The following GXYLT2 variants were observed in gnomAD, a reference collection of about 807,000 sequenced individuals.
GXYLT2 encodes the protein glucoside xylosyltransferase 2.
GXYLT2 carries 53 observed loss-of-function variants against 45.8 expected under a neutral mutation model. The observed-to-expected ratio is 1.16, with a 90% CI of 0.93 to 1.46. The LOEUF (loss-of-function observed/expected upper bound fraction) is 1.46, where lower values mean the gene tolerates loss of function less well. Ranked by LOEUF, GXYLT2 falls within the 40% of genes most tolerant of loss-of-function variation. GXYLT2 has a pLI of 0.00. For synonymous variants in GXYLT2, 219 were observed against 214.2 expected (o/e 1.02, Z -0.19); for missense variants, 551 against 544.4 (o/e 1.01, Z -0.12).
In GXYLT2 at chr3:72,949,502, CTTTTTTTTTTTTTTTTTTTT is replaced by C. The variant is rs56323434; in HGVS notation, c.601-5587_601-5568del. ...TATGTATCATTCTTTCTTTCTTTTTCTTTTTTTTTTTTTTTTTTTTTTTTTTTTGAGATGGAGTCTTGCTC... is the reference window on the plus strand; with the variant it reads ...TATGTATCATTCTTTCTTTCTTTTTCTTTTTTTTGAGATGGAGTCTTGCTC... On this transcript the variant is annotated intron_variant, in intron 3 of 6. Coordinates refer to ENST00000389617, the MANE Select transcript of GXYLT2 (RefSeq NM_001080393.2). Among the ~76,000 whole-genome samples the C allele has an allele frequency of 1.4e-4, 10 of 72,642 alleles. 1 individual carries two copies. The South Asian group carries it at 7.4e-3, about 54-fold the overall frequency. 47.7% of individuals were successfully genotyped at this position (72,642 alleles called of 152,430 possible). A position where few individuals can be genotyped will look rare whatever the true frequency, so the allele number is the denominator to read the frequency against.
At chr3:72,937,961 A>C (rs1710222638) in intron 3 of GXYLT2, among the ~76,000 whole-genome samples, 1 of 152,146 alleles carries the variant, frequency 6.6e-6, no homozygotes, top group Admixed American at 6.5e-5. Context: ...CTCTCAGGGC[A>C]AGGATCTTTA....
intron 6 of GXYLT2, among the ~76,000 whole-genome samples, chr3:72,974,290 C>A (rs1711049556): frequency 6.6e-6 from 1 of 152,098 alleles, no homozygotes; most frequent in Non-Finnish European, 1.5e-5. Context: ...ATCTCAAAAG[C>A]CCAATATTAA....
intron 5 of GXYLT2, among the ~76,000 whole-genome samples, chr3:72,957,776 C>G (rs1260127950): frequency 2.0e-5 from 3 of 152,016 alleles, no homozygotes; most frequent in African/African-American, 4.8e-5. Context: ...GTCAAAACAT[C>G]CTAGAAAAAG....
intron 3 of GXYLT2, among the ~76,000 whole-genome samples, chr3:72,939,255 T>C (rs1322228273): frequency 2.0e-5 from 3 of 152,116 alleles, no homozygotes; most frequent in Non-Finnish European, 4.4e-5. Flanking sequence ...ATGACCAGCC[T>C]GGCCAACATG....
At chr3:72,915,358 G>T (rs1269748655) in intron 2 of GXYLT2, among the ~76,000 whole-genome samples, 3 of 103,992 alleles carry the variant, frequency 2.9e-5, no homozygotes, top group African/African-American at 1.2e-4. Context: ...TTTTTTTGCG[G>T]GGGGGGGGGG....
chr3:72,964,652 T>G (rs62249927), intron 5 of GXYLT2, among the ~76,000 whole-genome samples: 60,442 of 152,104 alleles, frequency 0.4, 14,900 homozygotes, highest in Non-Finnish European at 0.55. Flanking sequence ...AGCCCTAAAC[T>G]ACTTGGAAAG....
intron 3 of GXYLT2, among the ~76,000 whole-genome samples, chr3:72,935,969 G>C (rs574209171): frequency 1.3e-5 from 2 of 152,176 alleles, no homozygotes; most frequent in Non-Finnish European, 2.9e-5. Flanking sequence ...GAAAGGAGAT[G>C]ATAGCTGCAC....
intron 5 of GXYLT2, among the ~76,000 whole-genome samples, chr3:72,959,492 C>T (rs1006212426): frequency 2.4e-4 from 37 of 152,176 alleles, no homozygotes; most frequent in African/African-American, 8.9e-4. Flanking sequence ...AACTCCTGGG[C>T]TCAAGCGATC....
Position 72,967,590 on chromosome 3 carries a change from T to C in GXYLT2, c.1020T>C (p.Asp340=). 1.2e-6 allele frequency: 2 copies of C among 1,613,914 alleles called. No individual in the cohort carries two copies. Among genetic ancestry groups the C allele is most frequent in the South Asian group, 2.2e-5 (2 of 91,068 alleles). Residue 340 remains aspartate (D), a synonymous_variant, in exon 6 of 7, where the codon GAT becomes GAC. Coordinates refer to ENST00000389617, the MANE Select transcript of GXYLT2 (RefSeq NM_001080393.2). ...VFPCQWNYRP[D]HCMYGSNCRE... is the part of the protein sequence containing the mutation. ...CCTGCCAGTGGAACTACCGTCCCGA[T>C]CACTGCATGTACGGAAGCAACTGCA...
chr3:72,908,013 G>A (rs1459120442), intron 1 of GXYLT2: 7 of 181,666 alleles, frequency 3.9e-5, no homozygotes, highest in African/African-American at 7.1e-5. Context: ...CGGCCTGTGC[G>A]AGTGGGAGCT....
chr3:72,894,283 A>C (rs1709238215), intron 1 of GXYLT2, among the ~76,000 whole-genome samples: 1 of 152,178 alleles, frequency 6.6e-6, no homozygotes, highest in Admixed American at 6.5e-5. Flanking sequence ...CTGTTACTGC[A>C]TCCAAAATCA....
chr3:72,954,476 G>A (rs1710593530), intron 3 of GXYLT2, among the ~76,000 whole-genome samples: 1 of 148,358 alleles, frequency 6.7e-6, no homozygotes, highest in South Asian at 2.1e-4. Context: ...AAAAGATGCA[G>A]GGCCCCCCAT....
intron 3 of GXYLT2, among the ~76,000 whole-genome samples, chr3:72,938,153 G>A (rs1710226346): frequency 6.6e-6 from 1 of 152,110 alleles, no homozygotes; most frequent in South Asian, 2.1e-4. Flanking sequence ...TGCACCTACA[G>A]AAATATTTGG....
intron 2 of GXYLT2, among the ~76,000 whole-genome samples, chr3:72,919,590 A>G (rs1376204112): frequency 6.6e-6 from 1 of 152,214 alleles, no homozygotes; most frequent in Non-Finnish European, 1.5e-5. Context: ...CCTCATCTCT[A>G]CTAAAAATAC....
chr3:72,889,846 A>G (rs911860553), intron 1 of GXYLT2, among the ~76,000 whole-genome samples: 4 of 151,718 alleles, frequency 2.6e-5, no homozygotes, highest in Non-Finnish European at 5.9e-5. Flanking sequence ...AACATATACA[A>G]CTACATAATC....
intron 3 of GXYLT2, chr3:72,929,164 C>A (rs1307285655): frequency 8.8e-6 from 14 of 1,589,240 alleles, no homozygotes; most frequent in Non-Finnish European, 1.2e-5. Flanking sequence ...TGTCTTACTA[C>A]TTTGACCGCG....
At position 72,888,246 on chromosome 3, in the gene GXYLT2, A is replaced by G. The variant is rs1390690298; in HGVS notation, c.13A>G (p.Ser5Gly). Residue 5 changes from serine to glycine, a missense_variant, in exon 1 of 7, where the codon AGC (serine) becomes GGC (glycine). By Grantham distance (56) the Ser-to-Gly change is moderately conservative (BLOSUM62 0). Transcript: ENST00000389617. Reference protein sequence around the residue: MKLRSKAAALLLLAL... With the variant: MKLRGKAAALLLLAL... ...GCCGCGCCGCACCATGAAGCTCCGC[A>G]GCAAGGCGGCGGCGCTGCTCTTGCT... The G allele has an allele frequency of 9.1e-6, 9 of 993,890 alleles. No individual in the cohort carries two copies. The highest frequency in any genetic ancestry group is 1.2e-4 in the Admixed American group (2 of 16,018). 61.6% of individuals were successfully genotyped at this position (993,890 alleles called of 1,614,324 possible). A position where few individuals can be genotyped will look rare whatever the true frequency, so the allele number is the denominator to read the frequency against.
At chr3:72,941,402 T>C (rs1356717488) in intron 3 of GXYLT2, among the ~76,000 whole-genome samples, 1 of 152,194 alleles carries the variant, frequency 6.6e-6, no homozygotes. Context: ...TGAGTTTACA[T>C]ACTAACTTTC....
chr3:72,946,576 A>G (rs1345961781), intron 3 of GXYLT2, among the ~76,000 whole-genome samples: 2 of 152,146 alleles, frequency 1.3e-5, no homozygotes, highest in African/African-American at 4.8e-5. Flanking sequence ...TGATTCATAG[A>G]TGGTGCCTTC....
Sources: gnomAD v4.1 joint callset for allele counts (sites outside exome capture counted in the v4.1 genomes callset) on GRCh38, gnomAD v4.1.1 for gene constraint, MANE v1.5 for transcripts, NCBI Gene and HGNC (gene_info 2026-07-23, HGNC 2026-07-21) for gene names.